Variants in PACRG observed in about 807,000 individuals in gnomAD.
PACRG encodes the protein parkin coregulated, also known as parkin coregulated gene protein.
PACRG carries 29 observed loss-of-function variants against 29.7 expected under a neutral mutation model. The ratio of observed to expected loss-of-function variants is 0.98; its 90% CI spans 0.73 to 1.33. The LOEUF (loss-of-function observed/expected upper bound fraction) is 1.33, where lower values mean the gene tolerates loss of function less well. Among genes scored for constraint, PACRG ranks in the 40% most tolerant of loss-of-function variants. PACRG has a pLI of 0.00. For synonymous variants in PACRG, 116 were observed against 118.7 expected (o/e 0.98, Z 0.15); for missense variants, 279 against 316.2 (o/e 0.88, Z 0.89).
intron 4 of PACRG, among the ~76,000 whole-genome samples, chr6:163,121,696 C>T (rs1354478383): frequency 6.9e-6 from 1 of 144,600 alleles, no homozygotes; most frequent in East Asian, 2.0e-4. Context: ...GACAGAGTCT[C>T]CGTCTGTCAC....
At chr6:162,787,582 G>GTATCTATA (rs1554279249) in intron 1 of PACRG, among the ~76,000 whole-genome samples, 15 of 62,412 alleles carry the variant, frequency 2.4e-4, no homozygotes, top group Middle Eastern at 0.011. Context: ...GTGTGTGTGT[G>GTATCTATA]TATATATATA....
intron 4 of PACRG, among the ~76,000 whole-genome samples, chr6:163,171,256 G>A (rs1214094484): frequency 1.3e-5 from 2 of 149,844 alleles, no homozygotes; most frequent in African/African-American, 5.1e-5. Flanking sequence ...TAGTCAAGAT[G>A]AGAAAAGAAA....
intron 2 of PACRG, among the ~76,000 whole-genome samples, chr6:162,838,448 C>A (rs112319648): frequency 6.6e-6 from 1 of 152,070 alleles, no homozygotes; most frequent in African/African-American, 2.4e-5. Context: ...TTTTGTTGAT[C>A]GGAAATCAGC....
At chr6:163,118,319 G>A (rs1585236570) in intron 4 of PACRG, among the ~76,000 whole-genome samples, 1 of 152,200 alleles carries the variant, frequency 6.6e-6, no homozygotes, top group Admixed American at 6.5e-5. Flanking sequence ...TTCACCTCCT[G>A]AGTGATAGTG....
At chr6:162,977,562 G>A (rs1020440835) in intron 2 of PACRG, among the ~76,000 whole-genome samples, 1 of 151,466 alleles carries the variant, frequency 6.6e-6, no homozygotes, top group Non-Finnish European at 1.5e-5. Flanking sequence ...ACCCTTCTCC[G>A]ACTGACCAAA....
At chr6:162,982,214 T>C (rs182649876) in intron 2 of PACRG, among the ~76,000 whole-genome samples, 1 of 152,164 alleles carries the variant, frequency 6.6e-6, no homozygotes, top group Non-Finnish European at 1.5e-5. Flanking sequence ...TTGTGAATTG[T>C]CTATCAGTTT....
intron 2 of PACRG, among the ~76,000 whole-genome samples, chr6:162,854,166 G>GTT (rs60399122): frequency 0.35 from 48,519 of 139,894 alleles, 8,867 homozygotes; most frequent in African/African-American, 0.48. Context: ...TTTTCTTTCT[G>GTT]TTTTTTTTTT....
chr6:163,315,336 G>C lies in PACRG; in HGVS notation c.*349G>C, dbSNP rs1785607812. On this transcript the variant is annotated 3_prime_UTR_variant, in exon 5 of 5. Transcript: ENST00000366888. ...ATTCAGCAATTGCTGTTCTGTGTGT[G>C]CCTGCCCTGGGGGTGATGTCAGAGG... 1 of 176,060 alleles carries C rather than the reference G, an allele frequency of 5.7e-6. No homozygotes were observed. Among genetic ancestry groups the C allele is most frequent in the Non-Finnish European group, 1.2e-5 (1 of 82,984 alleles). 10.9% of individuals were successfully genotyped at this position (176,060 alleles called of 1,614,324 possible).
intron 2 of PACRG, among the ~76,000 whole-genome samples, chr6:163,028,893 C>G (rs1192930055): frequency 6.6e-6 from 1 of 152,190 alleles, no homozygotes; most frequent in Non-Finnish European, 1.5e-5. Flanking sequence ...AAATGCCCCC[C>G]AAACACATTC....
chr6:162,862,683 GT>G (rs1791965400), intron 2 of PACRG, among the ~76,000 whole-genome samples: 1 of 152,152 alleles, frequency 6.6e-6, no homozygotes, highest in South Asian at 2.1e-4. Context: ...TTTCAGATAC[GT>G]TTCTCAACCC....
intron 4 of PACRG, among the ~76,000 whole-genome samples, chr6:163,304,015 CAAAAAAAA>C (rs59861286): frequency 1.6e-4 from 12 of 76,258 alleles, no homozygotes; most frequent in East Asian, 8.0e-4. Flanking sequence ...GACTCCATTT[CAAAAAAAA>C]AAAAAAAAAA....
chr6:163,035,578 G>A (rs1367593440), intron 2 of PACRG, among the ~76,000 whole-genome samples: 3 of 151,988 alleles, frequency 2.0e-5, no homozygotes, highest in Non-Finnish European at 4.4e-5. Flanking sequence ...CTTGGGAGGC[G>A]GAAGTTGCAG....
intron 4 of PACRG, among the ~76,000 whole-genome samples, chr6:163,225,821 A>T (rs1345143535): frequency 1.3e-5 from 2 of 152,182 alleles, no homozygotes; most frequent in East Asian, 3.8e-4. Flanking sequence ...AGTGTCCATC[A>T]GTCGACGAAT....
chr6:162,814,968 C>G (rs934732207), intron 2 of PACRG, among the ~76,000 whole-genome samples: 4 of 152,218 alleles, frequency 2.6e-5, no homozygotes, highest in African/African-American at 9.6e-5. Flanking sequence ...TTTGTAAAAA[C>G]TTGCCAATCT....
chr6:162,956,718 G>A (rs1365601522), intron 2 of PACRG, among the ~76,000 whole-genome samples: 1 of 152,146 alleles, frequency 6.6e-6, no homozygotes, highest in Non-Finnish European at 1.5e-5. Context: ...TCCCCTGGAT[G>A]TGTCTCTGTT....
intron 4 of PACRG, among the ~76,000 whole-genome samples, chr6:163,306,192 T>A (rs1455050284): frequency 1.3e-5 from 2 of 152,260 alleles, no homozygotes; most frequent in Admixed American, 1.3e-4. Context: ...GACATTATAT[T>A]GTTGTTATTA....
chr6:162,862,745 T>A (rs1217855773), intron 2 of PACRG, among the ~76,000 whole-genome samples: 1 of 152,102 alleles, frequency 6.6e-6, no homozygotes, highest in Non-Finnish European at 1.5e-5. Flanking sequence ...AGATAAAGCA[T>A]GTGCTGGGAT....
chr6:163,214,980 G>A (rs990369847), intron 4 of PACRG, among the ~76,000 whole-genome samples: 2 of 152,214 alleles, frequency 1.3e-5, no homozygotes, highest in East Asian at 1.9e-4. Context: ...TTGTTAACAT[G>A]CCTCTTCTCC....
intron 4 of PACRG, among the ~76,000 whole-genome samples, chr6:163,099,969 G>T (rs957423995): frequency 6.6e-6 from 1 of 152,064 alleles, no homozygotes; most frequent in African/African-American, 2.4e-5. Flanking sequence ...GCGCGGACGG[G>T]CTCCGGGCTA....
Sources: allele counts gnomAD v4.1 joint callset (sites outside exome capture counted in the v4.1 genomes callset), GRCh38; gene constraint gnomAD v4.1.1; transcripts MANE v1.5; gene names NCBI Gene and HGNC (gene_info 2026-07-23, HGNC 2026-07-21).